PHTF2: variants seen among roughly 807,000 people sequenced by gnomAD.
PHTF2 encodes the protein protein PHTF2.
PHTF2 carries 60 observed loss-of-function variants against 101.2 expected under a neutral mutation model. That is an observed-to-expected ratio of 0.59 (90% CI 0.48 to 0.73). The LOEUF (loss-of-function observed/expected upper bound fraction) is 0.73. Among genes scored for constraint, PHTF2 ranks in the 30% least tolerant of loss-of-function variants. PHTF2 has a pLI of 0.00. For synonymous variants in PHTF2, 311 were observed against 307.3 expected (o/e 1.01, Z -0.13); for missense variants, 747 against 908.7 (o/e 0.82, Z 2.29).
At chr7:77,863,110 T>A (rs1462588678) in intron 3 of PHTF2, among the ~76,000 whole-genome samples, 1 of 152,244 alleles carries the variant, frequency 6.6e-6, no homozygotes, top group Admixed American at 6.5e-5. Flanking sequence ...ATCAATATCC[T>A]TATTGGCATA....
intron 3 of PHTF2, among the ~76,000 whole-genome samples, chr7:77,886,884 A>G (rs536390503): frequency 6.6e-5 from 10 of 151,940 alleles, no homozygotes; most frequent in African/African-American, 2.4e-4. Context: ...CACCTCTACA[A>G]GACATAAAAA....
intron 2 of PHTF2, among the ~76,000 whole-genome samples, chr7:77,840,563 A>G (rs1795788916): frequency 6.6e-6 from 1 of 152,190 alleles, no homozygotes; most frequent in African/African-American, 2.4e-5. Flanking sequence ...AGCATTTTAT[A>G]AAAACATTAA....
At chr7:77,932,602 A>AAGAGAG (rs777881524) in intron 12 of PHTF2, among the ~76,000 whole-genome samples, 3 of 129,978 alleles carry the variant, frequency 2.3e-5, no homozygotes, top group Admixed American at 7.6e-5. Context: ...GAGAGAGAGA[A>AAGAGAG]AGAGAGAGAG....
chr7:77,948,997 T>G (rs1268994818), intron 16 of PHTF2, among the ~76,000 whole-genome samples: 1 of 152,210 alleles, frequency 6.6e-6, no homozygotes, highest in African/African-American at 2.4e-5. Flanking sequence ...ATTGCAGCAT[T>G]GCTTGTAATA....
chr7:77,937,728 C>T, exon 13 of PHTF2: 4 of 1,403,614 alleles, frequency 2.8e-6, no homozygotes, highest in Non-Finnish European at 3.8e-6. Flanking sequence ...GCCCTGGCTC[C>T]ATAGTTCCCA....
intron 11 of PHTF2, among the ~76,000 whole-genome samples, chr7:77,926,040 T>G (rs1445579196): frequency 6.6e-6 from 1 of 151,248 alleles, no homozygotes; most frequent in African/African-American, 2.4e-5. Flanking sequence ...GGTGACAGAG[T>G]GAGACTCCAT....
At chr7:77,820,930 A>G (rs1794237040) in intron 1 of PHTF2, among the ~76,000 whole-genome samples, 1 of 151,582 alleles carries the variant, frequency 6.6e-6, no homozygotes, top group Non-Finnish European at 1.5e-5. Flanking sequence ...TCTACTGGTG[A>G]GTTTTATAGT....
intron 3 of PHTF2, among the ~76,000 whole-genome samples, chr7:77,865,424 C>T (rs1170550196): frequency 6.6e-6 from 1 of 152,042 alleles, no homozygotes; most frequent in Admixed American, 6.6e-5. Flanking sequence ...CGGGGTTTCA[C>T]CATGTTAGTC....
chr7:77,831,679 T>C lies in PHTF2; in HGVS notation c.-35-8542T>C, dbSNP rs375462740. On this transcript the variant is annotated intron_variant, in intron 1 of 19. Coordinates refer to ENST00000416283, the Ensembl canonical transcript of PHTF2. ...CAATACCACAGCTGTAGAACTGATT[T>C]GGTAATTTTGTGTTGGTATATGCAT... 1.5e-4 allele frequency among the ~76,000 whole-genome samples: 23 copies of C among 152,314 alleles called. No homozygotes were observed. In the South Asian group the frequency reaches 1.7e-3, roughly 11 times the overall value.
intron 9 of PHTF2, among the ~76,000 whole-genome samples, chr7:77,916,547 C>G (rs1233801343): frequency 2.0e-5 from 3 of 152,042 alleles, no homozygotes; most frequent in Non-Finnish European, 2.9e-5. Context: ...GAGTGAGACC[C>G]TGTCTCTCTT....
chr7:77,879,224 A>T (rs1335115480), intron 3 of PHTF2, among the ~76,000 whole-genome samples: 2 of 152,152 alleles, frequency 1.3e-5, no homozygotes, highest in African/African-American at 4.8e-5. Context: ...TTGTATTTAT[A>T]ACTTCTTAGA....
chr7:77,913,220 T>G (rs1802571662), intron 9 of PHTF2, among the ~76,000 whole-genome samples: 1 of 151,956 alleles, frequency 6.6e-6, no homozygotes, highest in Non-Finnish European at 1.5e-5. Flanking sequence ...AAACCCCACC[T>G]GTACTAAAAA....
chr7:77,922,954 A>G (rs1803623161), intron 11 of PHTF2, 176 bp downstream of exon 10: 7 of 1,317,248 alleles, frequency 5.3e-6, no homozygotes, highest in Non-Finnish European at 5.8e-6. Flanking sequence ...CGTATTGCAC[A>G]TGTATTGATA....
At chr7:77,863,755 T>C (rs2150683459) in intron 3 of PHTF2, among the ~76,000 whole-genome samples, 1 of 151,844 alleles carries the variant, frequency 6.6e-6, no homozygotes, top group African/African-American at 2.4e-5. Flanking sequence ...GTGCCTACTA[T>C]GTATCAGGCA....
At chr7:77,926,836 G>C (rs1377361539) in intron 11 of PHTF2, among the ~76,000 whole-genome samples, 2 of 150,948 alleles carry the variant, frequency 1.3e-5, no homozygotes, top group East Asian at 1.9e-4. Flanking sequence ...ATTTAGCCAG[G>C]CATGGTGGTA....
chr7:77,808,783 C>T (rs979692883), intron 1 of PHTF2, among the ~76,000 whole-genome samples: 4 of 152,150 alleles, frequency 2.6e-5, no homozygotes, highest in Non-Finnish European at 5.9e-5. Context: ...AGCACTGCAT[C>T]CTGGAAACTT....
intron 19 of PHTF2, among the ~76,000 whole-genome samples, chr7:77,954,226 C>CG (rs1806788092): frequency 6.6e-6 from 1 of 152,034 alleles, no homozygotes; most frequent in African/African-American, 2.4e-5. Context: ...CTCTGCCTCC[C>CG]GGGTTCAAGG....
intron 1 of PHTF2, among the ~76,000 whole-genome samples, chr7:77,813,700 T>C (rs79526087): frequency 6.6e-6 from 1 of 152,254 alleles, no homozygotes; most frequent in Non-Finnish European, 1.5e-5. Context: ...CTGGCTTAAA[T>C]AGTAGTTGCA....
chr7:77,934,673 G>A (rs897454864), intron 12 of PHTF2, among the ~76,000 whole-genome samples: 26 of 152,176 alleles, frequency 1.7e-4, no homozygotes, highest in African/African-American at 5.6e-4. Context: ...TATAGCGGCC[G>A]GGCATGGTGG....
Sources: allele counts gnomAD v4.1 joint callset (sites outside exome capture counted in the v4.1 genomes callset), GRCh38; gene constraint gnomAD v4.1.1; transcripts MANE v1.5; gene names NCBI Gene and HGNC (gene_info 2026-07-23, HGNC 2026-07-21).